Variants in LRRTM4 observed in about 807,000 individuals in gnomAD.
LRRTM4 encodes leucine rich repeat transmembrane neuronal 4.
In LRRTM4, 25 loss-of-function variants were observed where a neutral mutation model predicts 47.6. The observed-to-expected ratio is 0.53, with a 90% CI of 0.38 to 0.73. LRRTM4 has a LOEUF of 0.73. LRRTM4 is among the 30% of genes least tolerant of loss of function. The pLI is 0.00. For synonymous variants in LRRTM4, 311 were observed against 269.5 expected, an observed-to-expected ratio of 1.15 and a Z score of -1.51; for missense variants, 638 against 713.4, an observed-to-expected ratio of 0.89 and a Z score of 1.20.
At chr2:76,872,080 T>G (rs1469223931) in intron 3 of LRRTM4, among the ~76,000 whole-genome samples, 6 of 152,242 alleles carry the variant, frequency 3.9e-5, no homozygotes, top group Admixed American at 3.9e-4. Flanking sequence ...GAGTATGTGC[T>G]ATTTTAAGCT....
intron 3 of LRRTM4, among the ~76,000 whole-genome samples, chr2:77,006,908 A>G (rs1373265823): frequency 6.6e-6 from 1 of 152,128 alleles, no homozygotes; most frequent in East Asian, 1.9e-4. Flanking sequence ...GTTGTACCAA[A>G]TGTGTCTCTA....
intron 3 of LRRTM4, among the ~76,000 whole-genome samples, chr2:76,996,797 T>C (rs1365932523): frequency 2.6e-5 from 4 of 152,144 alleles, no homozygotes; most frequent in African/African-American, 7.2e-5. Flanking sequence ...AGTGTAGTTA[T>C]AGAAAACAAA....
chr2:77,080,767 T>C (rs1316308010), intron 3 of LRRTM4, among the ~76,000 whole-genome samples: 1 of 152,214 alleles, frequency 6.6e-6, no homozygotes, highest in Non-Finnish European at 1.5e-5. Context: ...AATGCCCTAG[T>C]CTGGGCCATC....
At chr2:76,887,031 C>G (rs1673099483) in intron 3 of LRRTM4, among the ~76,000 whole-genome samples, 1 of 151,686 alleles carries the variant, frequency 6.6e-6, no homozygotes, top group Non-Finnish European at 1.5e-5. Flanking sequence ...AAAAAATATG[C>G]ATTGCTGTTA....
At chr2:76,883,976 C>A (rs988664986) in intron 3 of LRRTM4, among the ~76,000 whole-genome samples, 15 of 148,096 alleles carry the variant, frequency 1.0e-4, no homozygotes, top group Admixed American at 8.2e-4. Context: ...CACCACCACA[C>A]CCGGCTAATT....
At chr2:77,447,233 C>A (rs1175503521) in intron 3 of LRRTM4, among the ~76,000 whole-genome samples, 1 of 151,926 alleles carries the variant, frequency 6.6e-6, no homozygotes. Context: ...GCAAATTTTT[C>A]CAAGGCAATT....
intron 3 of LRRTM4, among the ~76,000 whole-genome samples, chr2:77,204,769 C>CA (rs1201373896): frequency 6.6e-6 from 1 of 152,282 alleles, no homozygotes; most frequent in African/African-American, 2.4e-5. Context: ...TTATGTCCTA[C>CA]ACCAGGCATA....
At chr2:77,369,868 C>T (rs372487128) in intron 3 of LRRTM4, among the ~76,000 whole-genome samples, 10 of 151,562 alleles carry the variant, frequency 6.6e-5, no homozygotes, top group African/African-American at 9.7e-5. Flanking sequence ...ATTTGTATAT[C>T]TAAACATAGA....
intron 3 of LRRTM4, among the ~76,000 whole-genome samples, chr2:77,086,746 C>A (rs1002922401): frequency 6.6e-6 from 1 of 152,090 alleles, no homozygotes; most frequent in Non-Finnish European, 1.5e-5. Context: ...CCGGCTGCCA[C>A]AGCCTCCCAA....
At chr2:77,265,805 C>T (rs1488342653) in intron 3 of LRRTM4, among the ~76,000 whole-genome samples, 1 of 151,914 alleles carries the variant, frequency 6.6e-6, no homozygotes, top group Non-Finnish European at 1.5e-5. Context: ...ATTTGTAAAA[C>T]ATAATGAATA....
At chr2:77,070,383 G>A (rs1256276469) in intron 3 of LRRTM4, among the ~76,000 whole-genome samples, 3 of 151,958 alleles carry the variant, frequency 2.0e-5, no homozygotes, top group Non-Finnish European at 4.4e-5. Context: ...TCCTTTCTCT[G>A]CCATTTTCAT....
chr2:76,935,664 G>A (rs752441840), intron 3 of LRRTM4, among the ~76,000 whole-genome samples: 2 of 152,146 alleles, frequency 1.3e-5, no homozygotes, highest in African/African-American at 4.8e-5. Context: ...TGGTGTATAG[G>A]AATGTTTATG....
intron 3 of LRRTM4, among the ~76,000 whole-genome samples, chr2:77,299,710 A>G (rs1240550262): frequency 1.3e-5 from 2 of 152,202 alleles, no homozygotes; most frequent in Admixed American, 1.3e-4. Context: ...GAAGAGGGCA[A>G]GAAATCTCAA....
At chr2:76,873,069 A>G (rs1573238951) in intron 3 of LRRTM4, among the ~76,000 whole-genome samples, 1 of 152,212 alleles carries the variant, frequency 6.6e-6, no homozygotes, top group East Asian at 1.9e-4. Flanking sequence ...TACTCAGCCT[A>G]AGGCATTTCT....
At chr2:76,970,516 C>G (rs1314473286) in intron 3 of LRRTM4, among the ~76,000 whole-genome samples, 4 of 151,964 alleles carry the variant, frequency 2.6e-5, no homozygotes, top group Non-Finnish European at 5.9e-5. Context: ...ATAAATTCAG[C>G]AACACTTGTG....
intron 3 of LRRTM4, among the ~76,000 whole-genome samples, chr2:76,822,092 T>C (rs998812288): frequency 6.6e-6 from 1 of 151,614 alleles, no homozygotes; most frequent in Non-Finnish European, 1.5e-5. Flanking sequence ...AGAAAAAATA[T>C]GATATTCCAG....
chr2:76,897,216 A>G (rs1304674718), intron 3 of LRRTM4, among the ~76,000 whole-genome samples: 3 of 152,124 alleles, frequency 2.0e-5, no homozygotes, highest in Admixed American at 6.6e-5. Context: ...AGCGTCAATA[A>G]TGCAATCACC....
At chr2:77,052,425 T>G (rs1343902936) in intron 3 of LRRTM4, among the ~76,000 whole-genome samples, 1 of 151,984 alleles carries the variant, frequency 6.6e-6, no homozygotes, top group South Asian at 2.1e-4. Context: ...CGCCTTGGCC[T>G]CCCAAAGTGC....
At chr2:76,999,227 T>C (rs150093886) in intron 3 of LRRTM4, among the ~76,000 whole-genome samples, 2,162 of 152,200 alleles carry the variant, frequency 0.014, 42 homozygotes, top group African/African-American at 0.049. Flanking sequence ...GGGAAGCTAC[T>C]GTATGGCAGC....
Sources: gnomAD v4.1 joint callset for allele counts (sites outside exome capture counted in the v4.1 genomes callset) on GRCh38, gnomAD v4.1.1 for gene constraint, MANE v1.5 for transcripts, NCBI Gene and HGNC (gene_info 2026-07-23, HGNC 2026-07-21) for gene names.